Variants in ZNF33B observed in about 807,000 individuals in gnomAD.
The protein encoded by ZNF33B is zinc finger protein 33B, also known as zinc finger protein 11b (KOX 2).
A neutral mutation model predicts 45.8 loss-of-function variants in ZNF33B; 29 were observed. The observed-to-expected ratio is 0.63, with a 90% CI of 0.47 to 0.86. The LOEUF (loss-of-function observed/expected upper bound fraction) is 0.86, where lower values mean the gene tolerates loss of function less well. Ranked by LOEUF, ZNF33B falls within the 40% of genes least tolerant of loss-of-function variation. The pLI, the probability that ZNF33B is intolerant of heterozygous loss-of-function variation, is 0.00. For missense variants in ZNF33B, 831 were observed against 909.9 expected (o/e 0.91, Z 1.12); for synonymous variants, 305 against 307.8 (o/e 0.99, Z 0.10).
At chr10:42,626,490 C>A (rs1455965695) in intron 4 of ZNF33B, among the ~76,000 whole-genome samples, 1 of 152,026 alleles carries the variant, frequency 6.6e-6, no homozygotes, top group Non-Finnish European at 1.5e-5. Context: ...GAGTTTGAAA[C>A]CAGCCTGGCC....
intron 4 of ZNF33B, among the ~76,000 whole-genome samples, chr10:42,609,870 A>G (rs1564512571): frequency 2.6e-5 from 4 of 152,228 alleles, no homozygotes; most frequent in Admixed American, 2.0e-4. Flanking sequence ...CATCTTCTCT[A>G]TAAAAACAAT....
At chr10:42,588,377 C>G (rs138123939), downstream of ZNF33B, among the ~76,000 whole-genome samples, 25 of 152,308 alleles carry the variant, frequency 1.6e-4, no homozygotes, top group Admixed American at 9.1e-4. Flanking sequence ...GTCCAAGAAG[C>G]CTTTGCCATA....
At chr10:42,622,201 G>C (rs1838621784) in intron 4 of ZNF33B, among the ~76,000 whole-genome samples, 1 of 152,096 alleles carries the variant, frequency 6.6e-6, no homozygotes, top group Admixed American at 6.5e-5. Flanking sequence ...CATAAATAAA[G>C]GAAACAGTAT....
intron 4 of ZNF33B, among the ~76,000 whole-genome samples, chr10:42,596,121 T>C (rs1837390275): frequency 6.6e-6 from 1 of 151,562 alleles, no homozygotes; most frequent in Admixed American, 6.6e-5. Context: ...ATTGCAGTCC[T>C]TAAAGAAGAA....
intron 4 of ZNF33B, among the ~76,000 whole-genome samples, chr10:42,619,504 A>C (rs555498932): frequency 1.3e-5 from 2 of 152,352 alleles, no homozygotes; most frequent in South Asian, 4.1e-4. Flanking sequence ...GGTGTCTTTC[A>C]AGATGAAATA....
At chr10:42,616,088 C>A (rs912187064) in intron 4 of ZNF33B, among the ~76,000 whole-genome samples, 1 of 151,870 alleles carries the variant, frequency 6.6e-6, no homozygotes, top group African/African-American at 2.4e-5. Flanking sequence ...CAACTGTAAT[C>A]CCAGCTACTC....
intron 4 of ZNF33B, among the ~76,000 whole-genome samples, chr10:42,607,951 A>C (rs186049929): frequency 6.6e-6 from 1 of 152,290 alleles, no homozygotes; most frequent in Admixed American, 6.5e-5. Flanking sequence ...TGAAAGTCCA[A>C]ACATGTGCTA....
intron 4 of ZNF33B, among the ~76,000 whole-genome samples, chr10:42,624,609 A>C (rs1385735627): frequency 6.6e-6 from 1 of 152,240 alleles, no homozygotes; most frequent in African/African-American, 2.4e-5. Flanking sequence ...TAGAAAAGTT[A>C]TAACAATATG....
Position 42,592,457 on chromosome 10 carries a change from T to A in ZNF33B, c.*156A>T. On this transcript the variant is annotated 3_prime_UTR_variant, in exon 5 of 5. Transcript: ENST00000359467. ...AAGCCATCCTATAGTTGTTGTAGTC[T>A]ATGGGTTTATCCCCTACTGTTACTT... The A allele has an allele frequency of 9.2e-7, 1 of 1,088,118 alleles. No homozygotes were observed. Among genetic ancestry groups the A allele is most frequent in the Admixed American group, 2.4e-5 (1 of 41,508 alleles). 67.4% of individuals were successfully genotyped at this position (1,088,118 alleles called of 1,614,324 possible).
intron 4 of ZNF33B, among the ~76,000 whole-genome samples, chr10:42,612,235 T>G (rs1222863917): frequency 1.4e-5 from 2 of 144,810 alleles, no homozygotes; most frequent in Non-Finnish European, 3.0e-5. Context: ...AGAAGTTGAT[T>G]TTTTTTTTTT....
At chr10:42,614,809 C>A (rs1838244612) in intron 4 of ZNF33B, among the ~76,000 whole-genome samples, 1 of 151,984 alleles carries the variant, frequency 6.6e-6, no homozygotes, top group South Asian at 2.1e-4. Flanking sequence ...CAAAAATTAG[C>A]CAGGCGTGGT....
At chr10:42,617,447 A>C (rs1838375200) in intron 4 of ZNF33B, among the ~76,000 whole-genome samples, 2 of 152,114 alleles carry the variant, frequency 1.3e-5, no homozygotes. Context: ...AGAAATAATG[A>C]GAAGATTCTG....
rs184402912 is a variant in ZNF33B at position 42,581,215 on chromosome 10, G to A, written c.74-6537C>T. On this transcript the variant is annotated intron_variant, in intron 1 of 1. Transcript: ENST00000462075. The stretch of plus-strand genomic sequence containing the variant: ...GAAAGTGTGGCCCGGGCTGGGGGCA[G>A]TGGTTCATGTTGGTAATCCCAGCGC... Among the ~76,000 whole-genome samples the A allele has an allele frequency of 1.2e-3, 178 of 152,142 alleles. 2 individuals carry two copies. Among genetic ancestry groups the A allele is most frequent in the African/African-American group, 4.0e-3 (165 of 41,496 alleles).
chr10:42,633,840 G>T (rs1035492200), intron 2 of ZNF33B, among the ~76,000 whole-genome samples: 2 of 151,928 alleles, frequency 1.3e-5, no homozygotes, highest in Admixed American at 1.3e-4. Context: ...GTGGTGGCAG[G>T]CACCTGTAAT....
chr10:42,575,896 A>AT (rs541149231), intron 1 of ZNF33B, among the ~76,000 whole-genome samples: 15,143 of 143,408 alleles, frequency 0.11, 932 homozygotes, highest in Admixed American at 0.16. Context: ...CGCCTGGCTA[A>AT]TTTTTTTTTT....
chr10:42,592,002 C>A lies in ZNF33B; in HGVS notation c.*611G>T, dbSNP rs772815202. 6.5e-6 allele frequency: 1 copy of A among 152,764 alleles called. No homozygotes were observed. Among genetic ancestry groups the A allele is most frequent in the East Asian group, 1.9e-4 (1 of 5,206 alleles). The allele number at this position is 152,764 out of a possible 1,614,324, so 9.5% of individuals were successfully genotyped here. ...TAGCAAAATCTGAGTAAGTCTGCAT[C>A]TACTAGCAAGGTAACATCGATTTCT... On this transcript the variant is annotated 3_prime_UTR_variant, in exon 5 of 5. Coordinates refer to ENST00000359467, the MANE Select transcript of ZNF33B (RefSeq NM_006955.3).
At position 42,632,197 on chromosome 10, in the gene ZNF33B, A is replaced by C. The variant is rs1839090733; in HGVS notation, c.154+98T>G. On this transcript the variant is annotated intron_variant, in intron 3 of 4. Transcript: ENST00000359467. Reference sequence around the variant, plus strand: ...AACACTGACTCCTGAAGCCTAACCTAAGCCTAAATAATGTCATTAAACTAG... The same window carrying C: ...AACACTGACTCCTGAAGCCTAACCTCAGCCTAAATAATGTCATTAAACTAG... The C allele has an allele frequency of 3.9e-6, 6 of 1,534,478 alleles. No individual in the cohort carries two copies. In the East Asian group the frequency reaches 1.4e-4, roughly 35 times the overall value.
At chr10:42,616,542 C>A (rs1197966420) in intron 4 of ZNF33B, among the ~76,000 whole-genome samples, 2 of 152,020 alleles carry the variant, frequency 1.3e-5, no homozygotes, top group Non-Finnish European at 2.9e-5. Context: ...ACTTCCCAAC[C>A]TTTATGTTTT....
chr10:42,580,142 C>A (rs1304742526), intron 1 of ZNF33B, among the ~76,000 whole-genome samples: 1 of 152,190 alleles, frequency 6.6e-6, no homozygotes, highest in Non-Finnish European at 1.5e-5. Context: ...TGATACCTGG[C>A]ACCAATATTA....
Sources: allele counts gnomAD v4.1 joint callset (sites outside exome capture counted in the v4.1 genomes callset), GRCh38; gene constraint gnomAD v4.1.1; transcripts MANE v1.5; gene names NCBI Gene and HGNC (gene_info 2026-07-23, HGNC 2026-07-21).